GRIA1: variants seen among roughly 807,000 people sequenced by gnomAD.
GRIA1 encodes the protein glutamate ionotropic receptor AMPA type subunit 1, also known as glutamate receptor 1.
GRIA1 carries 31 observed loss-of-function variants against 99.2 expected under a neutral mutation model. The observed-to-expected ratio is 0.31, with a 90% confidence interval of 0.23 to 0.42. The LOEUF (loss-of-function observed/expected upper bound fraction) is 0.42. Among genes scored for constraint, GRIA1 ranks in the 10% least tolerant of loss-of-function variants. GRIA1 has a pLI of 1.00. For synonymous variants in GRIA1, 438 were observed against 432.4 expected, an observed-to-expected ratio of 1.01 and a Z score of -0.16; for missense variants, 782 against 1,157.5, an observed-to-expected ratio of 0.68 and a Z score of 4.71.
intron 2 of GRIA1, among the ~76,000 whole-genome samples, chr5:153,642,842 G>T (rs1753872133): frequency 6.6e-6 from 1 of 152,156 alleles, no homozygotes; most frequent in African/African-American, 2.4e-5. Context: ...TCCATCTCTG[G>T]CTCCCTTTCT....
Position 153,566,304 on chromosome 5 carries a change from C to CTTTTTTTTTTTTT in GRIA1, c.220+72243_220+72255dup, listed in dbSNP as rs55872840. 2.6e-3 allele frequency among the ~76,000 whole-genome samples: 95 copies of CTTTTTTTTTTTTT among 36,554 alleles called. 34 individuals are homozygous for CTTTTTTTTTTTTT. Among genetic ancestry groups the CTTTTTTTTTTTTT allele is most frequent in the South Asian group, 0.011 (5 of 452 alleles). 24.0% of individuals were successfully genotyped at this position (36,554 alleles called of 152,430 possible). A position where few individuals can be genotyped will look rare whatever the true frequency, so the allele number is the denominator to read the frequency against. On this transcript the variant is annotated intron_variant, in intron 2 of 15. Coordinates refer to ENST00000285900, the MANE Select transcript of GRIA1 (RefSeq NM_000827.4). ...GAGAAATAGCTCTCCAATTCCCTGC[C>CTTTTTTTTTTTTT]TTTTTTTTTTTTTTTTCCAGAGACA...
At chr5:153,716,775 G>C (rs1447898028) in intron 11 of GRIA1, among the ~76,000 whole-genome samples, 4 of 152,216 alleles carry the variant, frequency 2.6e-5, no homozygotes, top group Non-Finnish European at 5.9e-5. Context: ...GATAAATGGG[G>C]AGAAAATGAG....
chr5:153,635,059 C>T (rs1753249182), intron 2 of GRIA1, among the ~76,000 whole-genome samples: 1 of 152,194 alleles, frequency 6.6e-6, no homozygotes, highest in African/African-American at 2.4e-5. Context: ...TTCAGTAAAG[C>T]TTTGTCTTGA....
chr5:153,646,914 C>A lies in GRIA1; in HGVS notation c.221-14C>A. 1 of 1,612,752 alleles carries A rather than the reference C, an allele frequency of 6.2e-7. No homozygotes were observed. Among genetic ancestry groups the A allele is most frequent in the African/African-American group, 1.3e-5 (1 of 74,928 alleles). ...TGCAGTCTTCTATTCATTAATCCTTCTCTTCTCTTGTAGTCTGTTCCCAGT... is the reference window on the plus strand; with the variant it reads ...TGCAGTCTTCTATTCATTAATCCTTATCTTCTCTTGTAGTCTGTTCCCAGT... On this transcript the variant is annotated splice_polypyrimidine_tract_variant and intron_variant, in intron 2 of 15. Transcript: ENST00000285900.
intron 1 of GRIA1, 47 bp downstream of exon 1, chr5:153,491,017 G>A (rs1753862197): frequency 1.9e-6 from 3 of 1,552,846 alleles, no homozygotes; most frequent in African/African-American, 2.7e-5. Flanking sequence ...GTCTGGCCAG[G>A]GATTTTTTTG....
chr5:153,678,706 C>T (rs1756763134), intron 7 of GRIA1, among the ~76,000 whole-genome samples: 2 of 152,216 alleles, frequency 1.3e-5, no homozygotes, highest in East Asian at 3.9e-4. Flanking sequence ...ACTCCCTTGC[C>T]TCTCCCATCT....
intron 13 of GRIA1, among the ~76,000 whole-genome samples, chr5:153,775,131 C>T (rs1039534222): frequency 4.6e-5 from 7 of 152,210 alleles, no homozygotes; most frequent in African/African-American, 1.4e-4. Flanking sequence ...TTGGTGCCAA[C>T]TTAATGTATC....
At chr5:153,810,809 A>C (rs530502225) in intron 15 of GRIA1, among the ~76,000 whole-genome samples, 3 of 152,236 alleles carry the variant, frequency 2.0e-5, no homozygotes, top group Non-Finnish European at 4.4e-5. Context: ...CACTTCATTG[A>C]ACATTCAACT....
intron 2 of GRIA1, among the ~76,000 whole-genome samples, chr5:153,580,506 T>C (rs908378267): frequency 5.9e-5 from 9 of 152,194 alleles, no homozygotes; most frequent in Non-Finnish European, 1.0e-4. Flanking sequence ...AGTGTGAACC[T>C]TGTAGCCTTA....
intron 8 of GRIA1, among the ~76,000 whole-genome samples, chr5:153,689,017 G>A (rs1757548202): frequency 6.6e-6 from 1 of 151,954 alleles, no homozygotes; most frequent in Non-Finnish European, 1.5e-5. Context: ...ACCGCCCCCA[G>A]GCTTTTTTTT....
At chr5:153,494,243 G>A (rs1038355140) in intron 2 of GRIA1, 178 bp downstream of exon 2, 4 of 612,714 alleles carry the variant, frequency 6.5e-6, no homozygotes, top group African/African-American at 5.6e-5. Context: ...TGGCATTTTA[G>A]CCCCTGCAAT....
chr5:153,500,313 C>T (rs1754872069), intron 2 of GRIA1, among the ~76,000 whole-genome samples: 1 of 152,016 alleles, frequency 6.6e-6, no homozygotes, highest in African/African-American at 2.4e-5. Flanking sequence ...TTATTATCAC[C>T]TTCTATGGGG....
chr5:153,689,690 G>A (rs1282659191), intron 8 of GRIA1, among the ~76,000 whole-genome samples: 1 of 152,118 alleles, frequency 6.6e-6, no homozygotes, highest in African/African-American at 2.4e-5. Context: ...AGAGACATTG[G>A]GCTGTGCAAA....
intron 2 of GRIA1, among the ~76,000 whole-genome samples, chr5:153,634,207 A>G (rs1454983269): frequency 6.6e-6 from 1 of 151,786 alleles, no homozygotes; most frequent in African/African-American, 2.4e-5. Flanking sequence ...AGTCCCAGCT[A>G]CTCGGGAGGC....
intron 2 of GRIA1, among the ~76,000 whole-genome samples, chr5:153,571,300 C>T (rs532589748): frequency 3.3e-5 from 5 of 152,220 alleles, no homozygotes; most frequent in South Asian, 2.1e-4. Flanking sequence ...TGTAGGCTCA[C>T]GGGGTAGCCA....
intron 13 of GRIA1, among the ~76,000 whole-genome samples, chr5:153,777,659 CA>C (rs1764345798): frequency 6.6e-6 from 1 of 152,122 alleles, no homozygotes. Flanking sequence ...CTGTGTTCAT[CA>C]GAAATGCATA....
At chr5:153,651,271 G>C (rs2963948) in intron 4 of GRIA1, among the ~76,000 whole-genome samples, 61,656 of 151,890 alleles carry the variant, frequency 0.41, 13,204 homozygotes, top group Non-Finnish European at 0.45. Flanking sequence ...GAAGCAGCAG[G>C]CACCTTTATT....
chr5:153,730,474 G>A (rs540887414), intron 11 of GRIA1, among the ~76,000 whole-genome samples: 110 of 152,122 alleles, frequency 7.2e-4, no homozygotes, highest in Middle Eastern at 3.4e-3. Flanking sequence ...TTAACAGTAC[G>A]TGCAAAAATG....
rs1206490240 is a variant in GRIA1, at chr5:153,802,469, T to C, written c.2499T>C (p.Arg833=). The C allele has an allele frequency of 1.6e-5, 26 of 1,613,706 alleles. No individual in the cohort carries two copies. The highest frequency in any genetic ancestry group is 2.1e-5 in the Non-Finnish European group (25 of 1,179,922). The change falls in exon 15 of 16, where the codon CGT becomes CGC. Residue 833 remains arginine, a synonymous_variant. Coordinates refer to ENST00000285900, the MANE Select transcript of GRIA1 (RefSeq NM_000827.4). ...VALIEFCYKS[R]SESKRMKGFC... Reference sequence around the variant, plus strand: ...TAATCGAGTTCTGCTACAAATCCCGTAGTGAATCCAAGCGGATGAAGGTGG... The same window carrying C: ...TAATCGAGTTCTGCTACAAATCCCGCAGTGAATCCAAGCGGATGAAGGTGG...
Sources: allele counts gnomAD v4.1 joint callset (sites outside exome capture counted in the v4.1 genomes callset), GRCh38; gene constraint gnomAD v4.1.1; transcripts MANE v1.5; gene names NCBI Gene and HGNC (gene_info 2026-07-23, HGNC 2026-07-21).